XPO4: variants seen among roughly 807,000 people sequenced by gnomAD.
The protein encoded by XPO4 is exportin-4.
XPO4 carries 39 observed loss-of-function variants against 143.0 expected under a neutral mutation model. The observed-to-expected ratio is 0.27, with a 90% CI of 0.21 to 0.36. The LOEUF is 0.36. Among genes scored for constraint, XPO4 ranks in the 10% least tolerant of loss-of-function variants. The pLI, the probability that XPO4 is intolerant of heterozygous loss-of-function variation, is 1.00. For missense variants in XPO4, 907 were observed against 1,348.0 expected, an observed-to-expected ratio of 0.67 and a Z score of 5.12; for synonymous variants, 439 against 474.0, an observed-to-expected ratio of 0.93 and a Z score of 0.96.
intron 18 of XPO4, among the ~76,000 whole-genome samples, chr13:20,790,982 T>G (rs544695504): frequency 6.6e-6 from 1 of 152,250 alleles, no homozygotes; most frequent in South Asian, 2.1e-4. Context: ...TGATTTCAAG[T>G]GTGTATAATA....
In XPO4 at chr13:20,778,979, C is replaced by G. The variant is rs900253487; in HGVS notation, c.*4743G>C. ...CCTGATATTCAGCCTATAACTGGCT[C>G]AATACATAGCCTTATTTCCTAAAAT... On this transcript the variant is annotated 3_prime_UTR_variant, in exon 23 of 23. Coordinates refer to ENST00000255305, the MANE Select transcript of XPO4 (RefSeq NM_022459.5). 1 of 152,096 alleles carries G rather than the reference C, an allele frequency of 6.6e-6. No individual in the cohort carries two copies. The highest frequency in any genetic ancestry group is 1.5e-5 in the Non-Finnish European group (1 of 68,018). 9.4% of individuals were successfully genotyped at this position (152,096 alleles called of 1,614,324 possible).
At chr13:20,825,110 A>G (rs2059768148) in intron 7 of XPO4, among the ~76,000 whole-genome samples, 1 of 152,246 alleles carries the variant, frequency 6.6e-6, no homozygotes, top group Non-Finnish European at 1.5e-5. Flanking sequence ...AGCGAGATCA[A>G]GAAGACTCTG....
intron 16 of XPO4, among the ~76,000 whole-genome samples, chr13:20,797,674 T>C (rs1392252909): frequency 6.6e-6 from 1 of 152,194 alleles, no homozygotes; most frequent in Non-Finnish European, 1.5e-5. Context: ...ACTGTGCCCC[T>C]TCTCAAACAC....
At chr13:20,790,957 A>G (rs1268708938) in intron 18 of XPO4, among the ~76,000 whole-genome samples, 1 of 152,260 alleles carries the variant, frequency 6.6e-6, no homozygotes, top group Non-Finnish European at 1.5e-5. Context: ...AACAATTTCT[A>G]TAGAAATATC....
At chr13:20,809,053 C>T (rs757230582) in intron 11 of XPO4, 30 bp downstream of exon 11, 1 of 1,601,768 alleles carries the variant, frequency 6.2e-7, no homozygotes. Context: ...AGAATATTTG[C>T]TCCATGGGGT....
At chr13:20,876,595 G>C (rs1200772430) in intron 1 of XPO4, among the ~76,000 whole-genome samples, 1 of 151,972 alleles carries the variant, frequency 6.6e-6, no homozygotes, top group African/African-American at 2.4e-5. Flanking sequence ...AGAAAACATA[G>C]GAAAGTATGA....
At chr13:20,812,403 G>C (rs201429003) in intron 9 of XPO4, among the ~76,000 whole-genome samples, 1 of 151,942 alleles carries the variant, frequency 6.6e-6, no homozygotes, top group Non-Finnish European at 1.5e-5. Context: ...TATCCACATG[G>C]AGAAAAAAAA....
At chr13:20,855,329 C>A (rs2060132300) in intron 4 of XPO4, among the ~76,000 whole-genome samples, 1 of 151,886 alleles carries the variant, frequency 6.6e-6, no homozygotes, top group African/African-American at 2.4e-5. Flanking sequence ...GTGGCACATG[C>A]CTGTAATCCC....
At chr13:20,822,412 C>G in intron 7 of XPO4, 123 bp from the exon 8 acceptor site, 1 of 848,870 alleles carries the variant, frequency 1.2e-6, no homozygotes, top group Non-Finnish European at 1.7e-6. Context: ...AAAATTAATT[C>G]CTGAATTAAA....
intron 3 of XPO4, chr13:20,857,046 C>G (rs2060151408): frequency 3.8e-6 from 1 of 260,030 alleles, no homozygotes; most frequent in Non-Finnish European, 6.0e-6. Context: ...TCCCTATCGT[C>G]AAGACTGAAG....
chr13:20,854,409 G>C (rs1365181008), intron 4 of XPO4, among the ~76,000 whole-genome samples: 1 of 152,150 alleles, frequency 6.6e-6, no homozygotes, highest in Non-Finnish European at 1.5e-5. Flanking sequence ...ATACACCACA[G>C]CATCTCAACC....
rs757208395 is a variant in XPO4 at position 20,786,953 on chromosome 13, CA to C, written c.3258+11del. ...ATGAGAAGAGTCCCCTGAAAAGAGG[CA>C]TGTCCAGTACCTGGTGCAAACACAC... On this transcript the variant is annotated intron_variant, in intron 22 of 22. Coordinates refer to ENST00000255305, the MANE Select transcript of XPO4 (RefSeq NM_022459.5). The C allele has an allele frequency of 1.5e-5, 23 of 1,548,166 alleles. No individual in the cohort carries two copies. Among genetic ancestry groups the C allele is most frequent in the Non-Finnish European group, 2.0e-5 (23 of 1,145,754 alleles).
intron 18 of XPO4, among the ~76,000 whole-genome samples, chr13:20,795,599 CACTCTGG>C (rs2059347770): frequency 6.6e-6 from 1 of 152,184 alleles, no homozygotes; most frequent in Non-Finnish European, 1.5e-5. Context: ...TTCCAAGCCA[CACTCTGG>C]AAAGTGCTAG....
At chr13:20,798,817 C>T (rs1259350528) in intron 16 of XPO4, among the ~76,000 whole-genome samples, 2 of 151,704 alleles carry the variant, frequency 1.3e-5, no homozygotes, top group African/African-American at 2.4e-5. Flanking sequence ...GCCAGGAGTT[C>T]GAGACCAGCC....
intron 1 of XPO4, among the ~76,000 whole-genome samples, chr13:20,898,181 A>C (rs1355782759): frequency 6.6e-6 from 1 of 152,244 alleles, no homozygotes; most frequent in Non-Finnish European, 1.5e-5. Flanking sequence ...TATTAACCAG[A>C]TTCCACTATA....
At chr13:20,870,069 T>C (rs34560100) in intron 1 of XPO4, among the ~76,000 whole-genome samples, 7,634 of 132,560 alleles carry the variant, frequency 0.058, 516 homozygotes, top group African/African-American at 0.17. Context: ...CACTGCACTC[T>C]AGCCTGGGTG....
chr13:20,807,686 A>G, intron 12 of XPO4, 52 bp from the exon 13 acceptor site: 7 of 1,345,850 alleles, frequency 5.2e-6, no homozygotes, highest in Middle Eastern at 5.4e-4. Context: ...TACATTTATC[A>G]AATTGTACTA....
intron 9 of XPO4, among the ~76,000 whole-genome samples, chr13:20,813,486 A>AT (rs921520169): frequency 2.0e-5 from 3 of 152,206 alleles, no homozygotes; most frequent in African/African-American, 7.2e-5. Context: ...AATTAAGATC[A>AT]TATTTTATGC....
At chr13:20,812,746 C>T (rs1162407802) in intron 9 of XPO4, among the ~76,000 whole-genome samples, 1 of 152,068 alleles carries the variant, frequency 6.6e-6, no homozygotes, top group Non-Finnish European at 1.5e-5. Flanking sequence ...TGTACCATGG[C>T]TACAAAAGAT....
Sources: gnomAD v4.1 joint callset for allele counts (sites outside exome capture counted in the v4.1 genomes callset) on GRCh38, gnomAD v4.1.1 for gene constraint, MANE v1.5 for transcripts, NCBI Gene and HGNC (gene_info 2026-07-23, HGNC 2026-07-21) for gene names.